The following AJAP1 variants were observed in gnomAD, a reference collection of about 807,000 sequenced individuals.
The protein encoded by AJAP1 is adherens junction-associated protein 1.
Under a neutral mutation model 35.0 loss-of-function variants are expected in AJAP1, and 5 were observed. The observed-to-expected ratio is 0.14, with a 90% CI of 0.07 to 0.30. The LOEUF is 0.30. AJAP1 is among the 10% of genes least tolerant of loss of function. AJAP1 has a pLI of 1.00. For synonymous variants in AJAP1, 284 were observed against 249.3 expected (o/e 1.14, Z -1.31); for missense variants, 586 against 571.0 (o/e 1.03, Z -0.27).
intron 1 of AJAP1, among the ~76,000 whole-genome samples, chr1:4,657,577 C>A (rs971322161): frequency 1.3e-5 from 2 of 152,152 alleles, no homozygotes; most frequent in African/African-American, 4.8e-5. Flanking sequence ...TCCGCGGCTC[C>A]CTAGGTGAGC....
chr1:4,748,910 A>G (rs433427), intron 2 of AJAP1, among the ~76,000 whole-genome samples: 101,538 of 151,994 alleles, frequency 0.67, 34,896 homozygotes, highest in African/African-American at 0.72. Flanking sequence ...CAAACCTGCC[A>G]GCACCTTCAT....
chr1:4,679,541 C>T (rs72637581), intron 1 of AJAP1, among the ~76,000 whole-genome samples: 20,583 of 152,034 alleles, frequency 0.14, 1,873 homozygotes, highest in East Asian at 0.29. Flanking sequence ...AAATATATTA[C>T]CTCATAGTTC....
intron 2 of AJAP1, among the ~76,000 whole-genome samples, chr1:4,753,101 T>A (rs1016550855): frequency 2.6e-5 from 4 of 152,210 alleles, no homozygotes; most frequent in African/African-American, 9.7e-5. Flanking sequence ...CGGCGTTTTA[T>A]ATCATTGCTG....
At chr1:4,741,650 T>G (rs1570179881) in intron 2 of AJAP1, among the ~76,000 whole-genome samples, 1 of 152,212 alleles carries the variant, frequency 6.6e-6, no homozygotes, top group Non-Finnish European at 1.5e-5. Flanking sequence ...TGTTCATACA[T>G]ACATTTCTTG....
In AJAP1 at chr1:4,655,525, C is replaced by T. The variant is rs370920895; in HGVS notation, c.29+71C>T. On this transcript the variant is annotated intron_variant, in intron 1 of 5. Coordinates refer to ENST00000378191, the MANE Select transcript of AJAP1 (RefSeq NM_018836.4). The surrounding 1 kb of genome is among the most constrained non-coding windows in gnomAD (Gnocchi z 6.9). ...CAGGCTGGGCGGAAGCGGCGCTTTCCTCTATGTTGCAAATCAAGGGACCCC... is the reference window on the plus strand; with the variant it reads ...CAGGCTGGGCGGAAGCGGCGCTTTCTTCTATGTTGCAAATCAAGGGACCCC... 14 of 1,519,332 alleles carry T rather than the reference C, an allele frequency of 9.2e-6. No individual in the cohort carries two copies. The highest frequency in any genetic ancestry group is 4.3e-5 in the African/African-American group (3 of 69,654). 94.1% of individuals were successfully genotyped at this position (1,519,332 alleles called of 1,614,324 possible). A position where few individuals can be genotyped will look rare whatever the true frequency, so the allele number is the denominator to read the frequency against.
At chr1:4,658,808 G>A (rs1036600852) in intron 1 of AJAP1, among the ~76,000 whole-genome samples, 1 of 152,192 alleles carries the variant, frequency 6.6e-6, no homozygotes, top group Non-Finnish European at 1.5e-5. Context: ...GCAGGGCAAC[G>A]CAGCTCAGGA....
chr1:4,732,603 T>C (rs1161315873), intron 2 of AJAP1, among the ~76,000 whole-genome samples: 1 of 152,164 alleles, frequency 6.6e-6, no homozygotes, highest in Non-Finnish European at 1.5e-5. Context: ...TTACTGTCAA[T>C]GAGAGTGTCC....
chr1:4,712,263 C>T lies in AJAP1; in HGVS notation c.393C>T (p.Ala131=), dbSNP rs1046230388. The T allele has an allele frequency of 3.3e-6, 5 of 1,523,200 alleles. No individual in the cohort carries two copies. The East Asian group carries it at 1.2e-4, about 35-fold the overall frequency. 94.4% of individuals were successfully genotyped at this position (1,523,200 alleles called of 1,614,324 possible). The part of the protein sequence containing the change: ...PAAAKSSPSL[A]SSSSSSSSAV... ...CTGCCAAATCCAGCCCTTCCCTCGC[C>T]TCTTCGTCCTCGTCCTCGTCCTCCG... Residue 131 remains alanine, a synonymous_variant, in exon 2 of 6, where the codon GCC becomes GCT. Coordinates refer to ENST00000378191, the MANE Select transcript of AJAP1 (RefSeq NM_018836.4).
chr1:4,774,360 C>T (rs12747519), intron 4 of AJAP1, 67 bp from the exon 5 acceptor site: 188,274 of 1,465,784 alleles, frequency 0.13, 13,622 homozygotes, highest in East Asian at 0.33. Context: ...AGGCCTGCCC[C>T]GGCTTGCCTA....
intron 2 of AJAP1, among the ~76,000 whole-genome samples, chr1:4,754,964 T>A (rs1214690739): frequency 6.6e-6 from 1 of 152,154 alleles, no homozygotes; most frequent in Non-Finnish European, 1.5e-5. Flanking sequence ...TGCAGGGAGA[T>A]CAGCCCTGCC....
chr1:4,787,901 T>G lies in AJAP1; in HGVS notation c.*5416T>G. ...GCATCCTTCTTAAACAGCATCTGCTTTTAAGTAAGCAGCTATTCCAAAACA... is the reference window on the plus strand; with the variant it reads ...GCATCCTTCTTAAACAGCATCTGCTGTTAAGTAAGCAGCTATTCCAAAACA... On this transcript the variant is annotated 3_prime_UTR_variant, in exon 6 of 6. Transcript: ENST00000378191. 5.6e-6 allele frequency: 2 copies of G among 354,460 alleles called. No homozygotes were observed. The highest frequency in any genetic ancestry group is 1.1e-5 in the Non-Finnish European group (2 of 175,084). The allele number at this position is 354,460 out of a possible 1,614,324, so 22.0% of individuals were successfully genotyped here.
intron 1 of AJAP1, among the ~76,000 whole-genome samples, chr1:4,663,962 C>A (rs984217688): frequency 2.6e-5 from 4 of 152,160 alleles, no homozygotes; most frequent in African/African-American, 7.2e-5. Context: ...CTCATAAACA[C>A]CCTCACTGAG....
chr1:4,748,795 C>G (rs1270068992), intron 2 of AJAP1, among the ~76,000 whole-genome samples: 1 of 143,734 alleles, frequency 7.0e-6, no homozygotes, highest in African/African-American at 2.6e-5. Flanking sequence ...AGGGCTCTTA[C>G]AAAAGAGGAT....
At chr1:4,665,397 T>C (rs1447695768) in intron 1 of AJAP1, among the ~76,000 whole-genome samples, 1 of 152,132 alleles carries the variant, frequency 6.6e-6, no homozygotes, top group African/African-American at 2.4e-5. Flanking sequence ...TGGGCTAATT[T>C]ACTGCCCATT....
intron 4 of AJAP1, among the ~76,000 whole-genome samples, chr1:4,774,221 T>A (rs1404300419): frequency 6.6e-6 from 1 of 152,164 alleles, no homozygotes; most frequent in Non-Finnish European, 1.5e-5. Flanking sequence ...TTCCAAAGCC[T>A]CCCAGGGTAG....
At chr1:4,707,962 CGTTTTTTTTTT>C (rs1186103102) in intron 1 of AJAP1, among the ~76,000 whole-genome samples, 4 of 142,560 alleles carry the variant, frequency 2.8e-5, no homozygotes, top group Non-Finnish European at 6.0e-5. Flanking sequence ...GTGGGCGGTA[CGTTTTTTTTTT>C]GTTTTTTTTT....
At chr1:4,707,963 GT>G (rs774086340) in intron 1 of AJAP1, among the ~76,000 whole-genome samples, 8 of 126,176 alleles carry the variant, frequency 6.3e-5, no homozygotes, top group African/African-American at 1.8e-4. Flanking sequence ...TGGGCGGTAC[GT>G]TTTTTTTTTG....
chr1:4,707,621 C>A (rs1640127685), intron 1 of AJAP1, among the ~76,000 whole-genome samples: 1 of 152,178 alleles, frequency 6.6e-6, no homozygotes, highest in East Asian at 1.9e-4. Context: ...GAACGATACT[C>A]CATTGTAACA....
At chr1:4,770,924 C>T (rs1557648197) in intron 3 of AJAP1, among the ~76,000 whole-genome samples, 1 of 152,068 alleles carries the variant, frequency 6.6e-6, no homozygotes, top group African/African-American at 2.4e-5. Flanking sequence ...TTTCTGGAGA[C>T]AGGGGATGAG....
Sources: gnomAD v4.1 joint callset for allele counts (sites outside exome capture counted in the v4.1 genomes callset) on GRCh38, gnomAD v4.1.1 for gene constraint, Gnocchi (gnomAD v3.1) non-coding constraint, MANE v1.5 for transcripts, NCBI Gene and HGNC (gene_info 2026-07-23, HGNC 2026-07-21) for gene names.